Variants in PTK2 observed in about 807,000 individuals in gnomAD.
PTK2 encodes focal adhesion kinase 1.
A neutral mutation model predicts 150.1 loss-of-function variants in PTK2; 45 were observed. That is an observed-to-expected ratio of 0.30 (90% confidence interval 0.24 to 0.38). PTK2 has a LOEUF of 0.38. PTK2 is among the 10% of genes least tolerant of loss of function. The pLI is 1.00. For missense variants in PTK2, 919 were observed against 1,307.3 expected (o/e 0.70, Z 4.58); for synonymous variants, 432 against 449.2 (o/e 0.96, Z 0.48).
At chr8:140,897,010 C>A (rs1006041831) in intron 2 of PTK2, among the ~76,000 whole-genome samples, 1 of 152,020 alleles carries the variant, frequency 6.6e-6, no homozygotes, top group Non-Finnish European at 1.5e-5. Flanking sequence ...CTTTTGAAGC[C>A]CAAATTAGAA....
intron 4 of PTK2, among the ~76,000 whole-genome samples, chr8:140,868,376 A>T: frequency 6.6e-6 from 1 of 152,256 alleles, no homozygotes; most frequent in South Asian, 2.1e-4. Context: ...ATGGAAATAG[A>T]AATTTATCAT....
chr8:140,771,723 A>G (rs997093333), intron 14 of PTK2, among the ~76,000 whole-genome samples: 8 of 152,180 alleles, frequency 5.3e-5, no homozygotes, highest in African/African-American at 1.9e-4. Context: ...AGAAATGAGA[A>G]CAGAAATGTA....
At position 140,856,816 on chromosome 8, in the gene PTK2, T is replaced by C. The variant is rs573479106; in HGVS notation, c.450+7496A>G. On this transcript the variant is annotated intron_variant, in intron 5 of 31. Coordinates refer to ENST00000522684, the Ensembl canonical transcript of PTK2. ...CCATAATTGAATACTGAATTCTAGGTTAACGATACTTATGTTGAAGTGTGC... is the reference window on the plus strand; with the variant it reads ...CCATAATTGAATACTGAATTCTAGGCTAACGATACTTATGTTGAAGTGTGC... Among the ~76,000 whole-genome samples the C allele has an allele frequency of 3.7e-4, 56 of 152,302 alleles. 1 individual carries two copies. In the South Asian group the frequency reaches 0.011, roughly 31 times the overall value.
chr8:140,877,327 C>T (rs545678031), intron 4 of PTK2, among the ~76,000 whole-genome samples: 2 of 152,276 alleles, frequency 1.3e-5, no homozygotes, highest in South Asian at 2.1e-4. Context: ...GGCCACCACA[C>T]CTAGCCAACT....
At position 140,702,562 on chromosome 8, in the gene PTK2, C is replaced by T. The variant is rs374445316; in HGVS notation, c.2367+8G>A. On this transcript the variant is annotated splice_region_variant and intron_variant, in intron 25 of 31. Transcript: ENST00000522684. ...TTAACAAACTGAAGCCCAAGACACCCGATTTACCTCCACATTGGGCTGCCA... is the reference window on the plus strand; with the variant it reads ...TTAACAAACTGAAGCCCAAGACACCTGATTTACCTCCACATTGGGCTGCCA... 1.8e-5 allele frequency: 29 copies of T among 1,612,534 alleles called. No individual in the cohort carries two copies. The African/African-American group carries it at 2.0e-4, about 11-fold the overall frequency.
intron 23 of PTK2, among the ~76,000 whole-genome samples, chr8:140,712,190 C>T (rs1157816893): frequency 5.3e-5 from 8 of 150,924 alleles, no homozygotes; most frequent in Admixed American, 4.6e-4. Context: ...AAGCTCATCA[C>T]ATACTAAAAA....
rs548196662 is a variant in PTK2 at position 140,881,879 on chromosome 8, G to A, written c.196-2242C>T. On this transcript the variant is annotated intron_variant, in intron 3 of 31. Coordinates refer to ENST00000522684, the Ensembl canonical transcript of PTK2. ...GCAGGTTTCTGTCTTGGAGTTTCACGTAAGAGAGAGAATCTTATTCCATTC... is the reference window on the plus strand; with the variant it reads ...GCAGGTTTCTGTCTTGGAGTTTCACATAAGAGAGAGAATCTTATTCCATTC... Among the ~76,000 whole-genome samples the A allele has an allele frequency of 7.2e-5, 11 of 152,268 alleles. No homozygotes were observed. In the East Asian group the frequency reaches 9.6e-4, roughly 13 times the overall value.
At chr8:140,725,060 T>G (rs2100044945) in intron 22 of PTK2, among the ~76,000 whole-genome samples, 1 of 152,242 alleles carries the variant, frequency 6.6e-6, no homozygotes, top group South Asian at 2.1e-4. Context: ...TAAAGTCTTT[T>G]GTTTGGTTAT....
intron 3 of PTK2, among the ~76,000 whole-genome samples, chr8:140,889,179 G>A (rs1264476990): frequency 1.3e-5 from 2 of 152,018 alleles, no homozygotes; most frequent in African/African-American, 4.8e-5. Flanking sequence ...AAATTTAGAG[G>A]TAACAAAAAA....
chr8:140,942,849 G>A (rs2100176341), intron 1 of PTK2, among the ~76,000 whole-genome samples: 1 of 152,182 alleles, frequency 6.6e-6, no homozygotes, highest in Non-Finnish European at 1.5e-5. Context: ...CCTGGTAGGA[G>A]GTGTTTGGAT....
intron 1 of PTK2, among the ~76,000 whole-genome samples, chr8:140,999,503 A>G (rs964014415): frequency 7.2e-5 from 11 of 152,268 alleles, no homozygotes; most frequent in Non-Finnish European, 1.3e-4. Context: ...TGGGACACAA[A>G]CATCCTTAAA....
chr8:140,724,172 A>C (rs2100044497), intron 22 of PTK2, among the ~76,000 whole-genome samples: 1 of 152,270 alleles, frequency 6.6e-6, no homozygotes, highest in Non-Finnish European at 1.5e-5. Flanking sequence ...ATGCAATTCC[A>C]GAGGAGATCC....
At chr8:140,789,738 T>A (rs377224575) in intron 13 of PTK2, among the ~76,000 whole-genome samples, 4 of 152,200 alleles carry the variant, frequency 2.6e-5, no homozygotes, top group East Asian at 1.9e-4. Context: ...AATGTTGAAC[T>A]GTTCTGAGAA....
At chr8:140,849,447 C>G (rs1247026039) in intron 5 of PTK2, among the ~76,000 whole-genome samples, 1 of 152,216 alleles carries the variant, frequency 6.6e-6, no homozygotes, top group Non-Finnish European at 1.5e-5. Context: ...TCTTGACCAC[C>G]TGTCTTCCAC....
chr8:140,989,848 C>T (rs1268263231), intron 1 of PTK2, among the ~76,000 whole-genome samples: 1 of 148,696 alleles, frequency 6.7e-6, no homozygotes, highest in East Asian at 2.0e-4. Context: ...GCGGAGGTTG[C>T]GGTGAGCCGA....
intron 23 of PTK2, among the ~76,000 whole-genome samples, chr8:140,714,917 T>C (rs573340540): frequency 1.3e-5 from 2 of 150,278 alleles, no homozygotes; most frequent in South Asian, 4.2e-4. Flanking sequence ...GTATAGGAAG[T>C]GAGGAAATAC....
chr8:140,727,215 C>T (rs921836270), intron 22 of PTK2, among the ~76,000 whole-genome samples: 6 of 152,032 alleles, frequency 3.9e-5, no homozygotes, highest in Admixed American at 1.3e-4. Context: ...ATGATAGGGA[C>T]GTGTGGGTGA....
At chr8:140,877,466 T>C (rs989538177) in intron 4 of PTK2, among the ~76,000 whole-genome samples, 1 of 152,236 alleles carries the variant, frequency 6.6e-6, no homozygotes, top group Non-Finnish European at 1.5e-5. Context: ...GAATCAAAGC[T>C]GTGTCACAAA....
chr8:140,669,818 T>C, intron 29 of PTK2, 83 bp from the exon 33 acceptor site: 1 of 1,404,718 alleles, frequency 7.1e-7, no homozygotes, highest in Non-Finnish European at 9.7e-7. Flanking sequence ...AATAAAGGCA[T>C]AAGACAAATC....
Sources: allele counts gnomAD v4.1 joint callset (sites outside exome capture counted in the v4.1 genomes callset), GRCh38; gene constraint gnomAD v4.1.1; transcripts MANE v1.5; gene names NCBI Gene and HGNC (gene_info 2026-07-23, HGNC 2026-07-21).